CACNA1B: variants seen among roughly 807,000 people sequenced by gnomAD.
CACNA1B encodes the protein calcium voltage-gated channel subunit alpha1 B, also known as voltage-dependent N-type calcium channel subunit alpha-1B.
In CACNA1B, 70 loss-of-function variants were observed where a neutral mutation model predicts 247.2. That is an observed-to-expected ratio of 0.28 (90% CI 0.23 to 0.35). The LOEUF (loss-of-function observed/expected upper bound fraction) is 0.35. Ranked by LOEUF, CACNA1B falls within the 10% of genes least tolerant of loss-of-function variation. The pLI is 1.00. For synonymous variants in CACNA1B, 1,231 were observed against 1,294.4 expected (o/e 0.95, Z 1.05); for missense variants, 2,367 against 3,197.4 (o/e 0.74, Z 6.26).
chr9:138,120,079 G>A, intron 44 of CACNA1B, 86 bp from the exon 45 acceptor site: 1 of 1,161,838 alleles, frequency 8.6e-7, no homozygotes, highest in Non-Finnish European at 1.2e-6. Flanking sequence ...CCTGCTGTCT[G>A]GCCTGCTCCA....
intron 5 of CACNA1B, among the ~76,000 whole-genome samples, chr9:137,916,601 C>T (rs147677012): frequency 1.3e-5 from 2 of 152,364 alleles, no homozygotes; most frequent in Middle Eastern, 3.4e-3. Flanking sequence ...ATCATCCTGC[C>T]TGACAGGCAC....
rs1227255930 is a variant in CACNA1B, at chr9:137,957,700, G to C, written c.1333+13G>C. The C allele has an allele frequency of 1.3e-6, 2 of 1,561,258 alleles. No homozygotes were observed. The highest frequency in any genetic ancestry group is 2.7e-5 in the African/African-American group (2 of 73,540). The stretch of plus-strand genomic sequence containing the variant: ...CTCTGTGCTGTTGGTGAGTCTCAGG[G>C]TGTCCCTCCAGCTCTGCCAGGCTTG... On this transcript the variant is annotated intron_variant, in intron 10 of 46. Coordinates refer to ENST00000371372, the MANE Select transcript of CACNA1B (RefSeq NM_000718.4). The surrounding 1 kb of genome is among the most constrained non-coding windows in gnomAD (Gnocchi z 4.7).
rs1383548657 is a variant in CACNA1B at position 137,917,917 on chromosome 9, C to T, written c.966+486C>T. ...ATGGGCAGCTGTTGCTGTGCCACCC[C>T]TCTAGGGTCTCTGTTGGAGTTGAGG... On this transcript the variant is annotated intron_variant, in intron 6 of 46. Transcript: ENST00000371372. The surrounding 1 kb of genome is among the most constrained non-coding windows in gnomAD (Gnocchi z 5.5). Among the ~76,000 whole-genome samples, 1 of 152,242 alleles carries T rather than the reference C, an allele frequency of 6.6e-6. No individual in the cohort carries two copies. Among genetic ancestry groups the T allele is most frequent in the Non-Finnish European group, 1.5e-5 (1 of 68,038 alleles).
intron 15 of CACNA1B, among the ~76,000 whole-genome samples, chr9:138,004,139 A>G (rs766143209): frequency 1.3e-5 from 2 of 152,178 alleles, no homozygotes; most frequent in Non-Finnish European, 2.9e-5. Flanking sequence ...ACATGTGCAC[A>G]AGGGGACACG....
At chr9:137,968,074 T>C (rs1055903045) in intron 10 of CACNA1B, among the ~76,000 whole-genome samples, 1 of 152,246 alleles carries the variant, frequency 6.6e-6, no homozygotes, top group African/African-American at 2.4e-5. Flanking sequence ...TTTTGTTTTA[T>C]TTTGAGTTAT....
At chr9:138,106,513 T>C (rs1454525012) in intron 39 of CACNA1B, among the ~76,000 whole-genome samples, 1 of 152,242 alleles carries the variant, frequency 6.6e-6, no homozygotes, top group East Asian at 1.9e-4. Flanking sequence ...CTCATGCCTG[T>C]AATCCCAGCA....
At position 138,083,713 on chromosome 9, in the gene CACNA1B, A is replaced by C. The variant is rs1226309719; in HGVS notation, c.5094+5455A>C. Among the ~76,000 whole-genome samples, 2 of 150,460 alleles carry C rather than the reference A, an allele frequency of 1.3e-5. 1 individual carries two copies. On this transcript the variant is annotated intron_variant, in intron 36 of 46. Transcript: ENST00000371372. ...CCAGCCCCATAGGCCAAATAGCTCT[A>C]TTGCCCTGCTTTCCTGGAGCTAGAC... is the stretch of plus-strand genomic sequence containing the variant.
At position 137,882,304 on chromosome 9, in the gene CACNA1B, A is replaced by C. The variant is rs371813205; in HGVS notation, c.391-440A>C. Among the ~76,000 whole-genome samples, 4 of 152,112 alleles carry C rather than the reference A, an allele frequency of 2.6e-5. No homozygotes were observed. In the East Asian group the frequency reaches 5.8e-4, roughly 22 times the overall value. On this transcript the variant is annotated intron_variant, in intron 2 of 46. Coordinates refer to ENST00000371372, the MANE Select transcript of CACNA1B (RefSeq NM_000718.4). The surrounding 1 kb of genome is among the most constrained non-coding windows in gnomAD (Gnocchi z 4.0). ...CACATGTTAGAATGGGGATGACCTC[A>C]TGGGGTATTAAAGGGCCACCCTAGT...
At chr9:137,884,967 C>CCT (rs1491162050) in intron 3 of CACNA1B, among the ~76,000 whole-genome samples, 1 of 84,792 alleles carries the variant, frequency 1.2e-5, no homozygotes, top group East Asian at 2.4e-4. Flanking sequence ...TCCCCCCCCC[C>CCT]CTCCTCCCAC....
At chr9:137,978,091 C>A (rs1036659854) in intron 12 of CACNA1B, among the ~76,000 whole-genome samples, 1 of 136,912 alleles carries the variant, frequency 7.3e-6, no homozygotes, top group African/African-American at 2.7e-5. Context: ...CACTGCCCTC[C>A]CCCAGGAAGG....
chr9:138,089,436 A>G (rs954277644), intron 36 of CACNA1B, among the ~76,000 whole-genome samples: 1 of 152,188 alleles, frequency 6.6e-6, no homozygotes, highest in South Asian at 2.1e-4. Flanking sequence ...TATCATCTCA[A>G]TAGACACAGA....
Position 138,011,197 on chromosome 9 carries a change from C to T in CACNA1B, c.2160+1120C>T, listed in dbSNP as rs963244089. Among the ~76,000 whole-genome samples the T allele has an allele frequency of 2.0e-5, 3 of 152,240 alleles. No individual in the cohort carries two copies. The highest frequency in any genetic ancestry group is 4.8e-5 in the African/African-American group (2 of 41,470). The stretch of plus-strand genomic sequence containing the variant: ...GGGGAGCCCAAGCCCCCACAGAGCT[C>T]TCCTTGGTGCCGGGGTTGCCTTGGA... On this transcript the variant is annotated intron_variant, in intron 17 of 46. Transcript: ENST00000371372. The surrounding 1 kb of genome is among the most constrained non-coding windows in gnomAD (Gnocchi z 4.2).
chr9:138,097,167 A>C (rs1961083191), intron 37 of CACNA1B, among the ~76,000 whole-genome samples: 1 of 151,888 alleles, frequency 6.6e-6, no homozygotes, highest in Admixed American at 6.6e-5. Flanking sequence ...GTGCTTGGTG[A>C]ACTTTTTTGA....
At chr9:138,043,605 G>A (rs967287564) in intron 20 of CACNA1B, among the ~76,000 whole-genome samples, 169 bp from the exon 21 acceptor site, 10 of 152,190 alleles carry the variant, frequency 6.6e-5, no homozygotes, top group South Asian at 2.1e-4. Context: ...CCTGGCTGTC[G>A]TGCGCCACGG....
chr9:137,899,746 C>T lies in CACNA1B; in HGVS notation c.531-13434C>T, dbSNP rs938852392. On this transcript the variant is annotated intron_variant, in intron 3 of 46. Transcript: ENST00000371372. The surrounding 1 kb of genome is among the most constrained non-coding windows in gnomAD (Gnocchi z 5.0). ...CTGGAGATGGTGCCTCCCCTGCCAG[C>T]TTGGCTCCCATGTAGAACCAGCCTG... 6.6e-6 allele frequency among the ~76,000 whole-genome samples: 1 copy of T among 152,182 alleles called. No homozygotes were observed. The highest frequency in any genetic ancestry group is 1.5e-5 in the Non-Finnish European group (1 of 68,020).
intron 26 of CACNA1B, among the ~76,000 whole-genome samples, chr9:138,056,854 G>T (rs762007410): frequency 6.6e-6 from 1 of 150,838 alleles, no homozygotes; most frequent in Non-Finnish European, 1.5e-5. Flanking sequence ...GTTGAGCAGC[G>T]TTTCATGTGC....
At chr9:137,956,733 C>T (rs769934191) in intron 8 of CACNA1B, 38 bp from the exon 9 acceptor site, 2 of 1,599,612 alleles carry the variant, frequency 1.3e-6, no homozygotes, top group South Asian at 1.1e-5. Flanking sequence ...TTCCTGGGGT[C>T]AGGAGGGCTC....
At position 137,954,901 on chromosome 9, in the gene CACNA1B, A is replaced by G. The variant is rs540958297; in HGVS notation, c.1071-797A>G. Among the ~76,000 whole-genome samples, 2,868 of 118,482 alleles carry G rather than the reference A, an allele frequency of 0.024. 57 individuals are homozygous for G. The highest frequency in any genetic ancestry group is 0.071 in the African/African-American group (1,828 of 25,760). 77.7% of individuals were successfully genotyped at this position (118,482 alleles called of 152,430 possible). On this transcript the variant is annotated intron_variant, in intron 7 of 46. Coordinates refer to ENST00000371372, the MANE Select transcript of CACNA1B (RefSeq NM_000718.4). This position sits in a 1 kb window ranked among gnomAD's most constrained non-coding sequence, Gnocchi z 4.1. ...GTGTGAGAGAGAGAGAGAGAGAGAG[A>G]GGGGGAGAGAGAGAGAGAGAGAATG...
rs1956933847 is a variant in CACNA1B at position 137,882,280 on chromosome 9, A to T, written c.391-464A>T. Among the ~76,000 whole-genome samples the T allele has an allele frequency of 6.6e-6, 1 of 152,154 alleles. No individual in the cohort carries two copies. The stretch of plus-strand genomic sequence containing the variant: ...GGGCATCTCTGTGCCTCTGTCTCCC[A>T]CATGTTAGAATGGGGATGACCTCAT... On this transcript the variant is annotated intron_variant, in intron 2 of 46. Coordinates refer to ENST00000371372, the MANE Select transcript of CACNA1B (RefSeq NM_000718.4). The surrounding 1 kb of genome is among the most constrained non-coding windows in gnomAD (Gnocchi z 4.0).
Sources: gnomAD v4.1 joint callset for allele counts (sites outside exome capture counted in the v4.1 genomes callset) on GRCh38, gnomAD v4.1.1 for gene constraint, Gnocchi (gnomAD v3.1) non-coding constraint, MANE v1.5 for transcripts, NCBI Gene and HGNC (gene_info 2026-07-23, HGNC 2026-07-21) for gene names.